Variants in HS6ST3 observed in about 807,000 individuals in gnomAD.
The protein encoded by HS6ST3 is heparan sulfate 6-O-sulfotransferase 3, also known as heparan-sulfate 6-O-sulfotransferase 3.
HS6ST3 carries 12 observed loss-of-function variants against 36.7 expected under a neutral mutation model. The ratio of observed to expected loss-of-function variants is 0.33; its 90% CI spans 0.21 to 0.53. The LOEUF is 0.53. HS6ST3 is among the 20% of genes least tolerant of loss of function. The pLI is 0.95. For synonymous variants in HS6ST3, 240 were observed against 257.5 expected (o/e 0.93, Z 0.65); for missense variants, 584 against 640.9 (o/e 0.91, Z 0.96).
chr13:96,629,059 G>A (rs1183943026), intron 1 of HS6ST3, among the ~76,000 whole-genome samples: 1 of 151,860 alleles, frequency 6.6e-6, no homozygotes, highest in East Asian at 1.9e-4. Context: ...TTTCATCTGT[G>A]TACTTGTTTT....
At chr13:96,401,145 A>G (rs559760735) in intron 1 of HS6ST3, among the ~76,000 whole-genome samples, 7 of 152,284 alleles carry the variant, frequency 4.6e-5, no homozygotes, top group African/African-American at 1.4e-4. Context: ...CCTTCCTTCT[A>G]TTGGGAGTCT....
chr13:96,280,144 A>G (rs2054768501), intron 1 of HS6ST3, among the ~76,000 whole-genome samples: 1 of 152,232 alleles, frequency 6.6e-6, no homozygotes, highest in East Asian at 1.9e-4. Context: ...GTACAGTATT[A>G]GCTCCTGGAT....
chr13:96,554,850 C>CTTGAGCCCAGGAGT (rs1347948065), intron 1 of HS6ST3, among the ~76,000 whole-genome samples: 1 of 151,996 alleles, frequency 6.6e-6, no homozygotes, highest in Non-Finnish European at 1.5e-5. Context: ...AGGTGGATCA[C>CTTGAGCCCAGGAGT]TTGAGCTCAG....
intron 1 of HS6ST3, among the ~76,000 whole-genome samples, chr13:96,615,204 A>C (rs2056470011): frequency 6.6e-6 from 1 of 152,230 alleles, no homozygotes; most frequent in South Asian, 2.1e-4. Flanking sequence ...TGTAACTTAC[A>C]AAGACTATTG....
At chr13:96,184,279 A>G (rs1169910754) in intron 1 of HS6ST3, among the ~76,000 whole-genome samples, 1 of 149,914 alleles carries the variant, frequency 6.7e-6, no homozygotes, top group Non-Finnish European at 1.5e-5. Flanking sequence ...TGTGTATTTT[A>G]CCACAATTAA....
chr13:96,264,121 CA>C (rs1285615109), intron 1 of HS6ST3, among the ~76,000 whole-genome samples: 1 of 152,188 alleles, frequency 6.6e-6, no homozygotes, highest in Non-Finnish European at 1.5e-5. Context: ...GCCTGGAAAA[CA>C]AACTCATGCC....
At chr13:96,813,355 T>C (rs1394073074) in intron 1 of HS6ST3, among the ~76,000 whole-genome samples, 1 of 152,166 alleles carries the variant, frequency 6.6e-6, no homozygotes, top group African/African-American at 2.4e-5. Flanking sequence ...GCAGCTCTTC[T>C]TCCTGAGAAG....
At chr13:96,628,984 A>G (rs1393682493) in intron 1 of HS6ST3, among the ~76,000 whole-genome samples, 1 of 150,886 alleles carries the variant, frequency 6.6e-6, no homozygotes, top group African/African-American at 2.4e-5. Context: ...TTTACCTTCA[A>G]CTCTTATTCA....
At chr13:96,280,559 A>T (rs950465755) in intron 1 of HS6ST3, among the ~76,000 whole-genome samples, 3 of 152,192 alleles carry the variant, frequency 2.0e-5, no homozygotes, top group African/African-American at 7.2e-5. Flanking sequence ...AATTGTTTGA[A>T]CAATCAGAGA....
intron 1 of HS6ST3, among the ~76,000 whole-genome samples, chr13:96,627,531 T>C (rs553444717): frequency 9.2e-5 from 14 of 152,030 alleles, no homozygotes; most frequent in Non-Finnish European, 1.9e-4. Context: ...TAAGGTAATA[T>C]TACTCTCATA....
chr13:96,450,970 G>T (rs887648134), intron 1 of HS6ST3, among the ~76,000 whole-genome samples: 1 of 152,092 alleles, frequency 6.6e-6, no homozygotes, highest in Non-Finnish European at 1.5e-5. Flanking sequence ...AGTTTTTGCC[G>T]TGTCAAAAGA....
intron 1 of HS6ST3, among the ~76,000 whole-genome samples, chr13:96,445,331 C>T (rs1487029780): frequency 2.0e-5 from 3 of 151,886 alleles, no homozygotes; most frequent in African/African-American, 7.3e-5. Flanking sequence ...GTGTTTGTAT[C>T]CAAGGTATAT....
At chr13:96,646,427 A>G (rs1479334115) in intron 1 of HS6ST3, among the ~76,000 whole-genome samples, 3 of 152,062 alleles carry the variant, frequency 2.0e-5, no homozygotes, top group African/African-American at 7.2e-5. Flanking sequence ...TCTTTCTTGA[A>G]AAGAAAAGTC....
chr13:96,492,668 A>C (rs1041503250), intron 1 of HS6ST3, among the ~76,000 whole-genome samples: 3 of 152,208 alleles, frequency 2.0e-5, no homozygotes, highest in Non-Finnish European at 2.9e-5. Flanking sequence ...GAGGGTATCT[A>C]TCTGAGTTTG....
At chr13:96,284,015 A>AT (rs908415356) in intron 1 of HS6ST3, among the ~76,000 whole-genome samples, 1 of 152,154 alleles carries the variant, frequency 6.6e-6, no homozygotes, top group Non-Finnish European at 1.5e-5. Flanking sequence ...GAAAACGTAC[A>AT]TTTTTGTTCC....
chr13:96,375,771 A>T (rs1007849906), intron 1 of HS6ST3, among the ~76,000 whole-genome samples: 1 of 152,236 alleles, frequency 6.6e-6, no homozygotes, highest in Non-Finnish European at 1.5e-5. Context: ...TGTGGAAAAT[A>T]TATCCATGGA....
At chr13:96,667,393 TA>T (rs533870265) in intron 1 of HS6ST3, among the ~76,000 whole-genome samples, 10 of 152,242 alleles carry the variant, frequency 6.6e-5, no homozygotes, top group Non-Finnish European at 1.5e-4. Context: ...AGTTATAGGA[TA>T]AAAAAAGCCC....
intron 1 of HS6ST3, among the ~76,000 whole-genome samples, chr13:96,616,871 C>T (rs1408865321): frequency 1.3e-5 from 2 of 151,988 alleles, no homozygotes; most frequent in African/African-American, 2.4e-5. Context: ...GTTGAATAAA[C>T]GAAGGGCCTC....
intron 1 of HS6ST3, among the ~76,000 whole-genome samples, chr13:96,144,904 T>A (rs1337398849): frequency 6.7e-6 from 1 of 148,762 alleles, no homozygotes; most frequent in Non-Finnish European, 1.5e-5. Flanking sequence ...GGTGTTTGGT[T>A]TTTTGTCCTT....
Sources: allele counts gnomAD v4.1 joint callset (sites outside exome capture counted in the v4.1 genomes callset), GRCh38; gene constraint gnomAD v4.1.1; transcripts MANE v1.5; gene names NCBI Gene and HGNC (gene_info 2026-07-23, HGNC 2026-07-21).